Variants in EBF1 observed in about 807,000 individuals in gnomAD.
EBF1 encodes the protein EBF transcription factor 1, also known as transcription factor COE1.
Under a neutral mutation model 68.4 loss-of-function variants are expected in EBF1, and 10 were observed. That is an observed-to-expected ratio of 0.15 (90% CI 0.09 to 0.25). The LOEUF (loss-of-function observed/expected upper bound fraction) is 0.25. EBF1 is among the 10% of genes least tolerant of loss of function. EBF1 has a pLI of 1.00. For synonymous variants in EBF1, 298 were observed against 299.8 expected (o/e 0.99, Z 0.06); for missense variants, 509 against 794.4 (o/e 0.64, Z 4.32).
At chr5:158,860,222 T>G (rs1794732706) in intron 6 of EBF1, among the ~76,000 whole-genome samples, 1 of 152,230 alleles carries the variant, frequency 6.6e-6, no homozygotes, top group South Asian at 2.1e-4. Flanking sequence ...ATCATCTTAT[T>G]GAATGCTCAC....
At chr5:158,892,816 C>A (rs1005668530) in intron 6 of EBF1, among the ~76,000 whole-genome samples, 5 of 152,124 alleles carry the variant, frequency 3.3e-5, no homozygotes, top group Non-Finnish European at 5.9e-5. Flanking sequence ...GTGGTGCACT[C>A]AATTTCTATT....
chr5:158,699,865 AAAG>A (rs1756356667), intron 15 of EBF1, among the ~76,000 whole-genome samples: 1 of 152,222 alleles, frequency 6.6e-6, no homozygotes, highest in South Asian at 2.1e-4. Flanking sequence ...TCCTGGGAAA[AAAG>A]AAGCCTGTTT....
In EBF1 at chr5:158,914,425, G is replaced by C. The variant is rs560487056; in HGVS notation, c.555-74315C>G. ...GGGGAAAGGTTCATGCCGCACGAGG[G>C]GGGTAACCAGTTGATGTTACAAGGC... is the stretch of plus-strand genomic sequence containing the variant. On this transcript the variant is annotated intron_variant, in intron 6 of 15. Transcript: ENST00000313708. Among the ~76,000 whole-genome samples, 14 of 152,182 alleles carry C rather than the reference G, an allele frequency of 9.2e-5. No homozygotes were observed. The East Asian group carries it at 1.9e-3, about 21-fold the overall frequency.
chr5:158,830,470 C>T (rs554386189), intron 7 of EBF1, among the ~76,000 whole-genome samples: 2 of 152,272 alleles, frequency 1.3e-5, no homozygotes, highest in East Asian at 3.9e-4. Context: ...GGTGTTTCAC[C>T]ATGTTGGCTA....
chr5:159,027,651 C>T (rs1767957803), intron 6 of EBF1, among the ~76,000 whole-genome samples: 2 of 152,204 alleles, frequency 1.3e-5, no homozygotes, highest in African/African-American at 2.4e-5. Context: ...ATCACACTAT[C>T]CCAAAACGTT....
At chr5:158,884,008 A>G (rs1799492699) in intron 6 of EBF1, among the ~76,000 whole-genome samples, 1 of 152,182 alleles carries the variant, frequency 6.6e-6, no homozygotes, top group African/African-American at 2.4e-5. Context: ...GCGCACTCCA[A>G]CACACACAGC....
chr5:158,697,258 A>G lies in EBF1; in HGVS notation c.*1853T>C, dbSNP rs539518131. On this transcript the variant is annotated 3_prime_UTR_variant, in exon 16 of 16. Transcript: ENST00000313708. ...AATCTACTGAACTAAATACTACAAGAATAATATGCTACTATTTTTTTTTTT... is the reference window on the plus strand; with the variant it reads ...AATCTACTGAACTAAATACTACAAGGATAATATGCTACTATTTTTTTTTTT... 3 of 189,004 alleles carry G rather than the reference A, an allele frequency of 1.6e-5. No homozygotes were observed. Among genetic ancestry groups the G allele is most frequent in the Non-Finnish European group, 3.2e-5 (3 of 92,504 alleles). 11.7% of individuals were successfully genotyped at this position (189,004 alleles called of 1,614,324 possible).
intron 10 of EBF1, among the ~76,000 whole-genome samples, chr5:158,750,296 C>G (rs1037679954): frequency 6.6e-6 from 1 of 152,110 alleles, no homozygotes; most frequent in African/African-American, 2.4e-5. Flanking sequence ...TACTTGTGGT[C>G]CTCTGTCCGA....
chr5:158,926,408 C>A (rs1809697235), intron 6 of EBF1, among the ~76,000 whole-genome samples: 1 of 152,112 alleles, frequency 6.6e-6, no homozygotes, highest in African/African-American at 2.4e-5. Flanking sequence ...TCAAAATGTT[C>A]CAACCCAGTA....
chr5:158,947,598 G>A (rs916256546), intron 6 of EBF1, among the ~76,000 whole-genome samples: 10 of 152,208 alleles, frequency 6.6e-5, no homozygotes, highest in African/African-American at 2.4e-4. Flanking sequence ...CTTCTGCATT[G>A]GTCTCACTGG....
chr5:158,832,440 GAGCTGCTTTC>G (rs1268360099), intron 7 of EBF1, among the ~76,000 whole-genome samples: 1 of 152,166 alleles, frequency 6.6e-6, no homozygotes, highest in East Asian at 1.9e-4. Context: ...ACTATCATTA[GAGCTGCTTTC>G]AGTATAATTA....
At chr5:159,094,183 A>C (rs1163536297) in intron 4 of EBF1, among the ~76,000 whole-genome samples, 5 of 147,228 alleles carry the variant, frequency 3.4e-5, no homozygotes, top group Non-Finnish European at 7.5e-5. Context: ...AAAAAAAAAA[A>C]AAAAAAAAAA....
chr5:159,088,622 G>A (rs1405347212), intron 4 of EBF1, among the ~76,000 whole-genome samples: 1 of 152,090 alleles, frequency 6.6e-6, no homozygotes, highest in African/African-American at 2.4e-5. Context: ...AGCTGGTTTA[G>A]GGCCCAGACA....
chr5:158,848,533 A>G (rs1015477731), intron 6 of EBF1, among the ~76,000 whole-genome samples: 1 of 152,208 alleles, frequency 6.6e-6, no homozygotes, highest in Non-Finnish European at 1.5e-5. Flanking sequence ...AACAGAACCA[A>G]CCCAAATATG....
At chr5:158,955,276 T>C (rs1412268201) in intron 6 of EBF1, among the ~76,000 whole-genome samples, 1 of 151,358 alleles carries the variant, frequency 6.6e-6, no homozygotes, top group East Asian at 1.9e-4. Flanking sequence ...TGAGCCGAGA[T>C]TGCACCACTG....
chr5:158,746,201 T>C (rs1299360010), intron 10 of EBF1, among the ~76,000 whole-genome samples: 2 of 152,226 alleles, frequency 1.3e-5, no homozygotes, highest in Non-Finnish European at 2.9e-5. Context: ...ATAGCATTTG[T>C]CACAGCACAA....
chr5:158,893,660 G>A (rs1012429680), intron 6 of EBF1, among the ~76,000 whole-genome samples: 2 of 152,140 alleles, frequency 1.3e-5, no homozygotes, highest in Non-Finnish European at 2.9e-5. Context: ...AAGGTTCCAC[G>A]AAGAGAAAGG....
At chr5:159,053,848 A>G (rs1312042687) in intron 6 of EBF1, among the ~76,000 whole-genome samples, 1 of 152,220 alleles carries the variant, frequency 6.6e-6, no homozygotes, top group Non-Finnish European at 1.5e-5. Context: ...AGCACAACCC[A>G]TTGTATATTT....
At chr5:158,850,234 T>G (rs906238250) in intron 6 of EBF1, among the ~76,000 whole-genome samples, 1 of 152,262 alleles carries the variant, frequency 6.6e-6, no homozygotes, top group Admixed American at 6.5e-5. Flanking sequence ...CTGTTGACTT[T>G]TGTTGAAACC....
Sources: allele counts gnomAD v4.1 joint callset (sites outside exome capture counted in the v4.1 genomes callset), GRCh38; gene constraint gnomAD v4.1.1; transcripts MANE v1.5; gene names NCBI Gene and HGNC (gene_info 2026-07-23, HGNC 2026-07-21).